TMED8: variants seen among roughly 807,000 people sequenced by gnomAD.
The protein encoded by TMED8 is protein TMED8.
In TMED8, 15 loss-of-function variants were observed where a neutral mutation model predicts 32.7. The observed-to-expected ratio is 0.46, with a 90% confidence interval of 0.31 to 0.71. TMED8 has a LOEUF of 0.71. Ranked by LOEUF, TMED8 falls within the 30% of genes least tolerant of loss-of-function variation. TMED8 has a pLI of 0.06. For missense variants in TMED8, 390 were observed against 423.9 expected, an observed-to-expected ratio of 0.92 and a Z score of 0.70; for synonymous variants, 147 against 161.4, an observed-to-expected ratio of 0.91 and a Z score of 0.68.
intron 1 of TMED8, among the ~76,000 whole-genome samples, chr14:77,358,485 G>T (rs1268267142): frequency 6.6e-6 from 1 of 151,884 alleles, no homozygotes; most frequent in East Asian, 1.9e-4. Context: ...TTTTAGTAGA[G>T]ACAGGGTTTC....
intron 1 of TMED8, among the ~76,000 whole-genome samples, chr14:77,361,686 C>T (rs1893438941): frequency 8.1e-6 from 1 of 124,042 alleles, no homozygotes; most frequent in African/African-American, 3.3e-5. Context: ...TTAATTTTTC[C>T]AAATCATGAA....
intron 5 of TMED8, 83 bp downstream of exon 5, chr14:77,343,095 G>T: frequency 7.4e-7 from 1 of 1,356,754 alleles, no homozygotes; most frequent in Non-Finnish European, 1.0e-6. Flanking sequence ...CAAAGGAAGA[G>T]GAGGACTGGT....
At chr14:77,359,200 G>T (rs576333486) in intron 1 of TMED8, among the ~76,000 whole-genome samples, 11 of 152,228 alleles carry the variant, frequency 7.2e-5, no homozygotes, top group South Asian at 2.1e-4. Context: ...ATGAGCCACT[G>T]CGCCCAGCTA....
At position 77,367,763 on chromosome 14, in the gene TMED8, G is replaced by A. The variant is rs147058631; in HGVS notation, c.118+9173C>T. ...GGCTGGAGTGCAATGGTGCAATCTCGGCTCACTGCAACCTCCACCTCCTCG... is the reference window on the plus strand; with the variant it reads ...GGCTGGAGTGCAATGGTGCAATCTCAGCTCACTGCAACCTCCACCTCCTCG... On this transcript the variant is annotated intron_variant, in intron 1 of 5. Transcript: ENST00000216468. 5.8e-3 allele frequency among the ~76,000 whole-genome samples: 874 copies of A among 151,214 alleles called. 8 individuals are homozygous for A. The highest frequency in any genetic ancestry group is 0.02 in the African/African-American group (820 of 41,136).
intron 1 of TMED8, among the ~76,000 whole-genome samples, chr14:77,353,763 G>T (rs1053562674): frequency 2.6e-5 from 4 of 151,976 alleles, no homozygotes; most frequent in Non-Finnish European, 5.9e-5. Flanking sequence ...GCCCATCCAA[G>T]ATCTATTTTT....
At chr14:77,349,374 TC>T (rs573664953) in intron 2 of TMED8, among the ~76,000 whole-genome samples, 1 of 152,166 alleles carries the variant, frequency 6.6e-6, no homozygotes, top group South Asian at 2.1e-4. Context: ...CGCCTCTGCC[TC>T]CCAAAGTGCT....
Position 77,346,436 on chromosome 14 carries a change from A to C in TMED8, c.240T>G (p.Asp80Glu), listed in dbSNP as rs372572316. The change falls in exon 3 of 6, where the codon GAT becomes GAG. Residue 80 changes from aspartate (D) to glutamate (E), a missense_variant. Coordinates refer to ENST00000216468, the MANE Select transcript of TMED8 (RefSeq NM_213601.3). ...VSPVSKDATE[D>E]LRKATGPLEA... ...CCAAAGGACCAGTTGCTTTCCGCAG[A>C]TCTTCCGTGGCATCCTTACTCACTG... The C allele has an allele frequency of 3.1e-6, 5 of 1,614,040 alleles. No individual in the cohort carries two copies. The highest frequency in any genetic ancestry group is 4.2e-6 in the Non-Finnish European group (5 of 1,180,034).
intron 1 of TMED8, among the ~76,000 whole-genome samples, chr14:77,369,619 A>G (rs1375095947): frequency 1.3e-5 from 2 of 152,222 alleles, no homozygotes; most frequent in Non-Finnish European, 2.9e-5. Context: ...ATGTACCCTC[A>G]GGAGACAAAA....
chr14:77,374,024 G>A (rs539096208), intron 1 of TMED8, among the ~76,000 whole-genome samples: 13 of 152,222 alleles, frequency 8.5e-5, no homozygotes, highest in African/African-American at 3.1e-4. Context: ...TGTACACCCT[G>A]CAATACCATG....
chr14:77,367,695 C>CTTT (rs769529439), intron 1 of TMED8, among the ~76,000 whole-genome samples: 1 of 144,874 alleles, frequency 6.9e-6, no homozygotes, highest in Non-Finnish European at 1.5e-5. Flanking sequence ...AACTTTCTTT[C>CTTT]TTTTTTTTTT....
chr14:77,374,841 A>C (rs1449405507), intron 1 of TMED8, among the ~76,000 whole-genome samples: 1 of 152,234 alleles, frequency 6.6e-6, no homozygotes, highest in East Asian at 1.9e-4. Flanking sequence ...CCTGAAATGG[A>C]TCTCTCATCT....
chr14:77,373,242 C>T (rs1893738367), intron 1 of TMED8, among the ~76,000 whole-genome samples: 1 of 151,286 alleles, frequency 6.6e-6, no homozygotes, highest in African/African-American at 2.4e-5. Context: ...GACATACACA[C>T]CAAACTAAGT....
At chr14:77,345,718 A>G (rs553146737) in intron 3 of TMED8, among the ~76,000 whole-genome samples, 1 of 151,462 alleles carries the variant, frequency 6.6e-6, no homozygotes, top group Non-Finnish European at 1.5e-5. Flanking sequence ...ATCTGTAATC[A>G]TAGCACTTTG....
chr14:77,351,773 G>A, intron 1 of TMED8, 22 bp from the exon 2 acceptor site: 1 of 1,583,012 alleles, frequency 6.3e-7, no homozygotes, highest in Non-Finnish European at 8.6e-7. Context: ...TAGAAAGAAA[G>A]AATTCAATAT....
In TMED8 at chr14:77,343,332, CT is replaced by C. The variant is rs750938343; in HGVS notation, c.605del (p.Lys202SerfsTer25). On this transcript the variant is annotated frameshift_variant, in exon 5 of 6. Transcript: ENST00000216468. LOFTEE classifies it high-confidence loss of function. ...CGGTCGCAAACTCCCAGCAGACACG[CT>C]TCCCCTCTGGATGAGTAGGTACCCG... The part of the protein sequence containing the change: ...TIRVPTHPEG[K>X]RVCWEFATDD... The C allele has an allele frequency of 6.2e-7, 1 of 1,614,208 alleles. No homozygotes were observed. The highest frequency in any genetic ancestry group is 1.3e-5 in the African/African-American group (1 of 75,056).
At chr14:77,347,045 C>T (rs1893064413) in intron 2 of TMED8, among the ~76,000 whole-genome samples, 1 of 152,082 alleles carries the variant, frequency 6.6e-6, no homozygotes, top group Non-Finnish European at 1.5e-5. Context: ...CTTCTAACAC[C>T]TTATACCACT....
At chr14:77,364,591 A>C (rs1443248018) in intron 1 of TMED8, among the ~76,000 whole-genome samples, 1 of 151,772 alleles carries the variant, frequency 6.6e-6, no homozygotes, top group Non-Finnish European at 1.5e-5. Flanking sequence ...CTGGTGGCAT[A>C]ATCAGAGCTC....
chr14:77,373,463 T>A (rs1893744859), intron 1 of TMED8, among the ~76,000 whole-genome samples: 1 of 152,074 alleles, frequency 6.6e-6, no homozygotes. Context: ...TTACAATGCA[T>A]AAAACAATAA....
chr14:77,343,036 G>T, intron 5 of TMED8, 142 bp downstream of exon 5: 2 of 803,504 alleles, frequency 2.5e-6, no homozygotes, highest in Non-Finnish European at 3.9e-6. Context: ...GTTCTCTTTG[G>T]CCTGTACCAC....
Sources: allele counts gnomAD v4.1 joint callset (sites outside exome capture counted in the v4.1 genomes callset), GRCh38; gene constraint gnomAD v4.1.1; transcripts MANE v1.5; gene names NCBI Gene and HGNC (gene_info 2026-07-23, HGNC 2026-07-21).